HSD17B12: variants seen among roughly 807,000 people sequenced by gnomAD.
HSD17B12 encodes the protein hydroxysteroid 17-beta dehydrogenase 12.
Under a neutral mutation model 39.3 loss-of-function variants are expected in HSD17B12, and 32 were observed. That is an observed-to-expected ratio of 0.81 (90% CI 0.61 to 1.09). The LOEUF (loss-of-function observed/expected upper bound fraction) is 1.09, where lower values mean the gene tolerates loss of function less well. HSD17B12 is among the 50% of genes least tolerant of loss of function. The pLI is 0.00. For missense variants in HSD17B12, 342 were observed against 382.9 expected (o/e 0.89, Z 0.89); for synonymous variants, 150 against 146.7 (o/e 1.02, Z -0.16).
At chr11:43,754,006 A>ATT (rs778946545) in intron 2 of HSD17B12, 40 bp from the exon 3 acceptor site, 5 of 1,341,364 alleles carry the variant, frequency 3.7e-6, no homozygotes, top group South Asian at 3.7e-5. Context: ...TTTTTCAGTG[A>ATT]CATGCACAGG....
intron 6 of HSD17B12, among the ~76,000 whole-genome samples, chr11:43,817,312 A>T (rs1386830470): frequency 6.6e-6 from 1 of 152,042 alleles, no homozygotes; most frequent in Admixed American, 6.6e-5. Context: ...TACTCTGCTG[A>T]TGTTCCTTTA....
the HSD17B12 span, among the ~76,000 whole-genome samples, chr11:43,590,506 A>ATT: frequency 3.3e-3 from 171 of 51,600 alleles, 21 homozygotes; most frequent in African/African-American, 4.6e-3. Context: ...GGAGTGAGTG[A>ATT]TTTTTTTTTT....
intron 10 of HSD17B12, 51 bp downstream of exon 10, chr11:43,854,915 T>C: frequency 6.3e-7 from 1 of 1,584,618 alleles, no homozygotes; most frequent in Non-Finnish European, 8.6e-7. Flanking sequence ...TTGGGGTTTC[T>C]TTCCCATTGA....
the HSD17B12 span, among the ~76,000 whole-genome samples, chr11:43,586,730 CTAT>C: frequency 1.3e-5 from 2 of 152,232 alleles, no homozygotes; most frequent in African/African-American, 4.8e-5. Context: ...TTGAACTCCA[CTAT>C]TTCAGCTTTA....
In HSD17B12 at chr11:43,798,384, T is replaced by C. The variant is rs775674636; in HGVS notation, c.348T>C (p.Asp116=). The C allele has an allele frequency of 2.5e-6, 4 of 1,612,578 alleles. No homozygotes were observed. In the South Asian group the frequency reaches 3.3e-5, roughly 13 times the overall value. The change falls in exon 4 of 11, where the codon GAT becomes GAC. Residue 116 remains aspartate, a synonymous_variant. Transcript: ENST00000278353. ...AVDFASEDIY[D]KIKTGLAGLE... is the part of the protein sequence containing the mutation. ...ACTTTGCATCAGAAGATATTTATGA[T>C]AAAATTAAAACAGGCTTGGCTGGTC...
intron 1 of HSD17B12, chr11:43,724,263 TC>T: frequency 7.7e-6 from 1 of 129,256 alleles, no homozygotes; most frequent in South Asian, 2.4e-4. Flanking sequence ...GTGTGTGTTT[TC>T]GTTTATTTAC....
At position 43,842,454 on chromosome 11, in the gene HSD17B12, C is replaced by T. The variant is rs1343347322; in HGVS notation, c.684+2390C>T. On this transcript the variant is annotated intron_variant, in intron 9 of 10. Transcript: ENST00000278353. Reference sequence around the variant, plus strand: ...GGTGTTATTTCTGACTTGCAGCTTCCCATATGTATAGGTTTCATTCGGAAG... The same window carrying T: ...GGTGTTATTTCTGACTTGCAGCTTCTCATATGTATAGGTTTCATTCGGAAG... Among the ~76,000 whole-genome samples the T allele has an allele frequency of 2.6e-5, 4 of 152,232 alleles. No individual in the cohort carries two copies. In the East Asian group the frequency reaches 7.7e-4, roughly 29 times the overall value.
the HSD17B12 span, among the ~76,000 whole-genome samples, chr11:43,582,690 C>G: frequency 6.6e-6 from 1 of 152,182 alleles, no homozygotes; most frequent in Non-Finnish European, 1.5e-5. Flanking sequence ...ATTAACCTGT[C>G]CGCTGGTTGA....
At chr11:43,741,052 T>A (rs752395626) in intron 1 of HSD17B12, among the ~76,000 whole-genome samples, 2 of 152,214 alleles carry the variant, frequency 1.3e-5, no homozygotes, top group Non-Finnish European at 2.9e-5. Flanking sequence ...TACTTCTGAT[T>A]TGGATGACTT....
At chr11:43,662,932 A>G in the HSD17B12 span, among the ~76,000 whole-genome samples, 1 of 152,222 alleles carries the variant, frequency 6.6e-6, no homozygotes, top group Non-Finnish European at 1.5e-5. Flanking sequence ...CTCATGATTA[A>G]ACAGAAAGAA....
chr11:43,616,040 G>T, the HSD17B12 span, among the ~76,000 whole-genome samples: 1 of 152,066 alleles, frequency 6.6e-6, no homozygotes, highest in African/African-American at 2.4e-5. Flanking sequence ...GAAGAGAAGG[G>T]GGAAAAGAGA....
At chr11:43,625,709 T>C in the HSD17B12 span, among the ~76,000 whole-genome samples, 1 of 151,346 alleles carries the variant, frequency 6.6e-6, no homozygotes, top group South Asian at 2.1e-4. Flanking sequence ...ATAATAACTA[T>C]AGAAGTTCAT....
At chr11:43,638,210 G>A in the HSD17B12 span, among the ~76,000 whole-genome samples, 1 of 152,132 alleles carries the variant, frequency 6.6e-6, no homozygotes, top group East Asian at 1.9e-4. Flanking sequence ...AGATTGTCTG[G>A]TACAACCCCC....
chr11:43,680,800 C>G lies in HSD17B12; in HGVS notation c.-28C>G, dbSNP rs753330817. The G allele has an allele frequency of 1.3e-5, 20 of 1,591,872 alleles. No homozygotes were observed. The highest frequency in any genetic ancestry group is 1.7e-5 in the Admixed American group (1 of 59,960). ...TTCATTCACTCGCTCTTTTCATTCA[C>G]GAAGGTAGTGAGGCCTAGTGGAAAG... On this transcript the variant is annotated 5_prime_UTR_variant, in exon 1 of 11. Transcript: ENST00000278353.
intron 3 of HSD17B12, among the ~76,000 whole-genome samples, chr11:43,777,483 T>A (rs1950718227): frequency 6.6e-6 from 1 of 152,224 alleles, no homozygotes; most frequent in Non-Finnish European, 1.5e-5. Context: ...CTGAAGTTGC[T>A]TATCAGCTTA....
At chr11:43,761,678 C>T (rs1413856520) in intron 3 of HSD17B12, among the ~76,000 whole-genome samples, 1 of 152,180 alleles carries the variant, frequency 6.6e-6, no homozygotes, top group Non-Finnish European at 1.5e-5. Context: ...CAGGAGATGG[C>T]CAGAGGCTGG....
intron 3 of HSD17B12, among the ~76,000 whole-genome samples, chr11:43,771,314 A>G (rs1950646655): frequency 6.6e-6 from 1 of 152,110 alleles, no homozygotes; most frequent in African/African-American, 2.4e-5. Context: ...TGTATATCCA[A>G]TTGTTGATGG....
At chr11:43,651,187 A>G in the HSD17B12 span, among the ~76,000 whole-genome samples, 1 of 152,240 alleles carries the variant, frequency 6.6e-6, no homozygotes, top group Non-Finnish European at 1.5e-5. Context: ...GGCAAGGTAA[A>G]TGTTGCCCAT....
At position 43,680,876 on chromosome 11, in the gene HSD17B12, G is replaced by A; in HGVS notation, c.49G>A (p.Gly17Ser). ...AAGFLYWVGA[G>S]TVAYLALRIS... is the part of the protein sequence containing the mutation. ...CGGCTTCCTGTACTGGGTCGGCGCGGGCACCGTGGCCTACCTAGCCCTGCG... is the reference window on the plus strand; with the variant it reads ...CGGCTTCCTGTACTGGGTCGGCGCGAGCACCGTGGCCTACCTAGCCCTGCG... The change falls in exon 1 of 11, where the codon GGC becomes AGC. Residue 17 changes from glycine (G) to serine (S), a missense_variant. Physicochemically the swap from Gly to Ser is moderately conservative, Grantham distance 56. Coordinates refer to ENST00000278353, the MANE Select transcript of HSD17B12 (RefSeq NM_016142.3). 1.2e-6 allele frequency: 2 copies of A among 1,614,104 alleles called. No homozygotes were observed. The highest frequency in any genetic ancestry group is 2.2e-5 in the South Asian group (2 of 91,086).
Sources: allele counts gnomAD v4.1 joint callset (sites outside exome capture counted in the v4.1 genomes callset), GRCh38; gene constraint gnomAD v4.1.1; transcripts MANE v1.5; gene names NCBI Gene and HGNC (gene_info 2026-07-23, HGNC 2026-07-21).